The following PFKFB4 variants were observed in gnomAD, a reference collection of about 807,000 sequenced individuals.
PFKFB4 encodes the protein 6-phosphofructo-2-kinase/fructose-2,6-biphosphatase 4.
Under a neutral mutation model 62.8 loss-of-function variants are expected in PFKFB4, and 42 were observed. That is an observed-to-expected ratio of 0.67 (90% CI 0.52 to 0.86). The LOEUF (loss-of-function observed/expected upper bound fraction) is 0.86. Among genes scored for constraint, PFKFB4 ranks in the 40% least tolerant of loss-of-function variants. The probability of loss-of-function intolerance (pLI) is 0.00; values close to 1 mark genes in which losing one functional copy is unlikely to be tolerated. For missense variants in PFKFB4, 475 were observed against 627.2 expected, an observed-to-expected ratio of 0.76 and a Z score of 2.59; for synonymous variants, 204 against 240.7, an observed-to-expected ratio of 0.85 and a Z score of 1.41.
At chr3:48,524,558 A>C (rs571744838) in intron 10 of PFKFB4, among the ~76,000 whole-genome samples, 3 of 152,200 alleles carry the variant, frequency 2.0e-5, no homozygotes, top group African/African-American at 7.2e-5. Context: ...TTCTCAACCA[A>C]TTCTCCTCAC....
intron 9 of PFKFB4, among the ~76,000 whole-genome samples, chr3:48,528,426 C>G (rs575757004): frequency 8.5e-5 from 13 of 152,306 alleles, no homozygotes; most frequent in African/African-American, 3.1e-4. Flanking sequence ...CTTTGGGAGG[C>G]CAAGGCAGGT....
In PFKFB4 at chr3:48,523,797, C is replaced by T. The variant is rs1415954898; in HGVS notation, c.1126G>A (p.Val376Ile). ...TCTTGCCTCTCCAGCTCCATGATGACAGGCTCCAGTCTCTGGACCAGGTCC... is the reference window on the plus strand; with the variant it reads ...TCTTGCCTCTCCAGCTCCATGATGATAGGCTCCAGTCTCTGGACCAGGTCC... Reference protein sequence around the residue: ...YEDLVQRLEPVIMELERQENV... With the variant: ...YEDLVQRLEPIIMELERQENV... The change falls in exon 11 of 14, where the codon GTC (valine) becomes ATC (isoleucine). Residue 376 changes from valine (V) to isoleucine (I), a missense_variant. Physicochemically the swap from Val to Ile is conservative, Grantham distance 29. Coordinates refer to ENST00000232375, the MANE Select transcript of PFKFB4 (RefSeq NM_004567.4). 3 of 1,614,186 alleles carry T rather than the reference C, an allele frequency of 1.9e-6. No homozygotes were observed. The highest frequency in any genetic ancestry group is 2.5e-6 in the Non-Finnish European group (3 of 1,180,004).
At chr3:48,532,999 T>C (rs1216552136) in intron 9 of PFKFB4, among the ~76,000 whole-genome samples, 1 of 152,258 alleles carries the variant, frequency 6.6e-6, no homozygotes, top group Non-Finnish European at 1.5e-5. Context: ...CAGAAAGTGG[T>C]TGCCAGGGGC....
Position 48,538,407 on chromosome 3 carries a change from GCCA to G in PFKFB4, c.632+88_632+90del, listed in dbSNP as rs373967340. The G allele has an allele frequency of 3.7e-5, 56 of 1,502,700 alleles. 1 individual carries two copies. The African/African-American group carries it at 6.6e-4, about 18-fold the overall frequency. The allele number at this position is 1,502,700 out of a possible 1,614,324, so 93.1% of individuals were successfully genotyped here. On this transcript the variant is annotated intron_variant, in intron 7 of 13. Coordinates refer to ENST00000232375, the MANE Select transcript of PFKFB4 (RefSeq NM_004567.4). ...ACCATCTCTGCTTTTTGGTCCTCCA[GCCA>G]CCACCATGGGGAGCCATAGGAGGCA...
intron 4 of PFKFB4, among the ~76,000 whole-genome samples, chr3:48,541,749 T>C (rs2042806188): frequency 6.6e-6 from 1 of 152,124 alleles, no homozygotes; most frequent in East Asian, 1.9e-4. Context: ...GCAAATTGCT[T>C]GAGGCCAGGA....
intron 1 of PFKFB4, among the ~76,000 whole-genome samples, chr3:48,550,574 C>T (rs2043111553): frequency 6.6e-6 from 1 of 152,302 alleles, no homozygotes; most frequent in South Asian, 2.1e-4. Flanking sequence ...AAGGACAGGA[C>T]CAAAACCCAG....
upstream of PFKFB4, chr3:48,559,911 C>G (rs2043406835): frequency 6.0e-6 from 1 of 167,474 alleles, no homozygotes; most frequent in Non-Finnish European, 1.1e-5. Context: ...CACACACACA[C>G]ACACACACAC....
At position 48,534,428 on chromosome 3, in the gene PFKFB4, A is replaced by C. The variant is rs756523974; in HGVS notation, c.987+1084T>G. Among the ~76,000 whole-genome samples, 13 of 152,372 alleles carry C rather than the reference A, an allele frequency of 8.5e-5. No individual in the cohort carries two copies. The Middle Eastern group carries it at 0.017, about 199-fold the overall frequency. Reference sequence around the variant, plus strand: ...CATAAAGAAAACCATACTGAGATACATCATAATCAAATTGCTAAAAATCAG... The same window carrying C: ...CATAAAGAAAACCATACTGAGATACCTCATAATCAAATTGCTAAAAATCAG... On this transcript the variant is annotated intron_variant, in intron 9 of 13. Coordinates refer to ENST00000232375, the MANE Select transcript of PFKFB4 (RefSeq NM_004567.4).
At chr3:48,533,581 G>T (rs1406484010) in intron 9 of PFKFB4, among the ~76,000 whole-genome samples, 2 of 152,194 alleles carry the variant, frequency 1.3e-5, no homozygotes, top group Admixed American at 1.3e-4. Context: ...TTGGCAGGGC[G>T]CTGTGGCTGA....
In PFKFB4 at chr3:48,538,122, GTA is replaced by G. The variant is rs1480406409; in HGVS notation, c.632+374_632+375del. Reference sequence around the variant, plus strand: ...TTTACATATCATCTATGTTTCATTTGTACTGTGACAGCAGAGTGAGTGCCTGC... The same window carrying G: ...TTTACATATCATCTATGTTTCATTTGCTGTGACAGCAGAGTGAGTGCCTGC... On this transcript the variant is annotated intron_variant, in intron 7 of 13. Coordinates refer to ENST00000232375, the MANE Select transcript of PFKFB4 (RefSeq NM_004567.4). Among the ~76,000 whole-genome samples the G allele has an allele frequency of 2.6e-5, 4 of 152,234 alleles. No individual in the cohort carries two copies. In the East Asian group the frequency reaches 7.7e-4, roughly 29 times the overall value.
chr3:48,554,030 G>A (rs2043236471), intron 1 of PFKFB4, among the ~76,000 whole-genome samples: 1 of 152,162 alleles, frequency 6.6e-6, no homozygotes, highest in Admixed American at 6.5e-5. Flanking sequence ...CTCAGGTGTG[G>A]CTTTAAATTT....
upstream of PFKFB4, among the ~76,000 whole-genome samples, chr3:48,558,944 A>G (rs2043391131): frequency 6.6e-6 from 1 of 152,072 alleles, no homozygotes; most frequent in South Asian, 2.1e-4. Flanking sequence ...TCATTACCAC[A>G]TGCCCACACC....
chr3:48,553,886 C>G (rs1440883232), intron 1 of PFKFB4, among the ~76,000 whole-genome samples: 1 of 152,218 alleles, frequency 6.6e-6, no homozygotes, highest in South Asian at 2.1e-4. Context: ...TGCCACCTTT[C>G]AGCTGAGAAA....
At chr3:48,522,192 C>T in intron 12 of PFKFB4, 142 bp from the exon 13 acceptor site, 2 of 748,988 alleles carry the variant, frequency 2.7e-6, no homozygotes, top group Non-Finnish European at 4.6e-6. Context: ...CCACTTTAGG[C>T]AGCTCTGGGG....
chr3:48,538,317 C>T (rs868158372), intron 7 of PFKFB4, among the ~76,000 whole-genome samples, 181 bp downstream of exon 7: 4 of 152,138 alleles, frequency 2.6e-5, no homozygotes, highest in Non-Finnish European at 5.9e-5. Flanking sequence ...ATGAGGTAAC[C>T]GGTGTTCTGC....
intron 11 of PFKFB4, 23 bp from the exon 12 acceptor site, chr3:48,523,622 C>G: frequency 6.2e-7 from 1 of 1,614,112 alleles, no homozygotes; most frequent in East Asian, 2.2e-5. Flanking sequence ...AGGGGGATGG[C>G]TAGCACACCA....
chr3:48,552,289 G>A (rs896124804), intron 1 of PFKFB4, among the ~76,000 whole-genome samples: 1 of 152,372 alleles, frequency 6.6e-6, no homozygotes, highest in Non-Finnish European at 1.5e-5. Flanking sequence ...CCTCGGCACC[G>A]ACTGCCCTTG....
chr3:48,523,532 C>T lies in PFKFB4; in HGVS notation c.1285+5G>A. The stretch of plus-strand genomic sequence containing the variant: ...CCATGGTCAATGTGCAGGAAGCTTC[C>T]TTACCATATGCCACAGGAGTCAGCT... On this transcript the variant is annotated splice_donor_5th_base_variant and intron_variant, in intron 12 of 13. Transcript: ENST00000232375. The T allele has an allele frequency of 2.5e-6, 4 of 1,613,826 alleles. No individual in the cohort carries two copies. The highest frequency in any genetic ancestry group is 3.4e-6 in the Non-Finnish European group (4 of 1,179,774).
At chr3:48,546,279 G>A (rs2042962310) in intron 3 of PFKFB4, among the ~76,000 whole-genome samples, 1 of 152,180 alleles carries the variant, frequency 6.6e-6, no homozygotes, top group African/African-American at 2.4e-5. Context: ...CACAGGATGT[G>A]TGTGCATGCA....
Sources: allele counts gnomAD v4.1 joint callset (sites outside exome capture counted in the v4.1 genomes callset), GRCh38; gene constraint gnomAD v4.1.1; transcripts MANE v1.5; gene names NCBI Gene and HGNC (gene_info 2026-07-23, HGNC 2026-07-21).